The following USP53 variants were observed in gnomAD, a reference collection of about 807,000 sequenced individuals.
USP53 encodes ubiquitin carboxyl-terminal hydrolase 53.
USP53 carries 71 observed loss-of-function variants against 94.9 expected under a neutral mutation model. The ratio of observed to expected loss-of-function variants is 0.75; its 90% confidence interval spans 0.62 to 0.91. The LOEUF is 0.91. Ranked by LOEUF, USP53 falls within the 40% of genes least tolerant of loss-of-function variation. USP53 has a pLI of 0.00. For missense variants in USP53, 1,173 were observed against 1,281.0 expected, an observed-to-expected ratio of 0.92 and a Z score of 1.29; for synonymous variants, 375 against 422.7, an observed-to-expected ratio of 0.89 and a Z score of 1.39.
At position 119,292,601 on chromosome 4, in the gene USP53, G is replaced by A. The variant is rs764082021; in HGVS notation, c.2612G>A (p.Gly871Glu). The change falls in exon 19 of 19, where the codon GGG becomes GAG. Residue 871 changes from glycine to glutamate, a missense_variant. Physicochemically the swap from Gly to Glu is moderately conservative, Grantham distance 98. Transcript: ENST00000692078. ...TGGTCTTCACACCTAAGAACTGTTG[G>A]GTTAAAGCCAGAAACTGCTCCTCTC... The part of the protein sequence containing the change: ...SLWSSHLRTV[G>E]LKPETAPLIQ... The A allele has an allele frequency of 5.6e-6, 9 of 1,613,972 alleles. No individual in the cohort carries two copies. The Admixed American group carries it at 1.2e-4, about 21-fold the overall frequency.
At chr4:119,218,053 A>G (rs2149257910) in intron 3 of USP53, 1 of 152,304 alleles carries the variant, frequency 6.6e-6, no homozygotes, top group East Asian at 1.9e-4. Context: ...ACAAGCTGCT[A>G]TTTTTTTAAT....
intron 3 of USP53, among the ~76,000 whole-genome samples, chr4:119,232,899 T>C (rs916562833): frequency 5.3e-5 from 8 of 152,274 alleles, no homozygotes; most frequent in Non-Finnish European, 1.0e-4. Context: ...TTAACTGTTA[T>C]TTGAAGTTTA....
At chr4:119,256,604 A>G in intron 9 of USP53, 81 bp downstream of exon 9, 3 of 1,397,182 alleles carry the variant, frequency 2.1e-6, no homozygotes, top group Non-Finnish European at 3.0e-6. Context: ...ATAAAATCAT[A>G]GCATACATGA....
intron 17 of USP53, among the ~76,000 whole-genome samples, chr4:119,290,078 T>A (rs751717797): frequency 1.3e-5 from 2 of 152,184 alleles, no homozygotes; most frequent in Non-Finnish European, 2.9e-5. Context: ...CTCTGAACAT[T>A]AATATTGTTA....
chr4:119,285,997 C>G (rs890154244), intron 17 of USP53, among the ~76,000 whole-genome samples: 11 of 151,850 alleles, frequency 7.2e-5, no homozygotes, highest in Non-Finnish European at 1.6e-4. Context: ...TTGACTCCTG[C>G]TTTATTATTT....
At chr4:119,281,039 G>A (rs1197363972) in intron 17 of USP53, among the ~76,000 whole-genome samples, 1 of 152,154 alleles carries the variant, frequency 6.6e-6, no homozygotes, top group Non-Finnish European at 1.5e-5. Context: ...TAGTAGTTAA[G>A]AACACATAGA....
intron 17 of USP53, among the ~76,000 whole-genome samples, chr4:119,279,895 C>A (rs185915950): frequency 6.6e-6 from 1 of 152,196 alleles, no homozygotes; most frequent in African/African-American, 2.4e-5. Flanking sequence ...TTCTTTGACT[C>A]GGAAAGGGGA....
At chr4:119,265,629 C>T (rs964078296) in intron 12 of USP53, among the ~76,000 whole-genome samples, 6 of 151,944 alleles carry the variant, frequency 3.9e-5, no homozygotes, top group Non-Finnish European at 4.4e-5. Context: ...CGAGACCGTG[C>T]CACTGAACTC....
intron 17 of USP53, among the ~76,000 whole-genome samples, chr4:119,288,332 C>T (rs1754345047): frequency 6.6e-6 from 1 of 152,180 alleles, no homozygotes; most frequent in Non-Finnish European, 1.5e-5. Context: ...TGCTTGGCTT[C>T]ATGTAAGATG....
chr4:119,254,412 T>A (rs1350276928), intron 7 of USP53, among the ~76,000 whole-genome samples: 1 of 152,182 alleles, frequency 6.6e-6, no homozygotes, highest in African/African-American at 2.4e-5. Context: ...GGAGGCTTCG[T>A]TAGTTTCTTT....
Position 119,256,511 on chromosome 4 carries a change from C to T in USP53, c.557C>T (p.Thr186Ile), listed in dbSNP as rs1195434454. The T allele has an allele frequency of 6.2e-7, 1 of 1,614,072 alleles. No homozygotes were observed. The highest frequency in any genetic ancestry group is 1.1e-5 in the South Asian group (1 of 91,084). The change falls in exon 9 of 19, where the codon ACA becomes ATA. Residue 186 changes from threonine (T) to isoleucine (I), a missense_variant. By Grantham distance (89) the Thr-to-Ile change is moderately conservative (BLOSUM62 -1). Transcript: ENST00000692078. ...PFTEFVRYIS[T>I]TALCNEVERM... is the part of the protein sequence containing the mutation. ...ACAGAATTTGTGCGGTACATTTCTACAACAGCCTTATGGTAAGAACCTATT... is the reference window on the plus strand; with the variant it reads ...ACAGAATTTGTGCGGTACATTTCTATAACAGCCTTATGGTAAGAACCTATT...
chr4:119,262,900 G>A (rs1750682090), intron 12 of USP53, among the ~76,000 whole-genome samples: 1 of 152,174 alleles, frequency 6.6e-6, no homozygotes, highest in Non-Finnish European at 1.5e-5. Context: ...GTAAAGCCAG[G>A]TATCTGAAAT....
chr4:119,252,750 C>A (rs1299855808), intron 7 of USP53, among the ~76,000 whole-genome samples: 1 of 151,982 alleles, frequency 6.6e-6, no homozygotes, highest in East Asian at 1.9e-4. Context: ...TTGCTCTGAA[C>A]CTAGTTATTT....
At chr4:119,234,035 G>A (rs1010074187) in intron 3 of USP53, among the ~76,000 whole-genome samples, 1 of 152,132 alleles carries the variant, frequency 6.6e-6, no homozygotes, top group Non-Finnish European at 1.5e-5. Context: ...ATGCAGTGCC[G>A]GTGAGAACAG....
At chr4:119,229,057 G>C (rs1443169114) in intron 3 of USP53, among the ~76,000 whole-genome samples, 1 of 152,078 alleles carries the variant, frequency 6.6e-6, no homozygotes, top group African/African-American at 2.4e-5. Flanking sequence ...TTGCTACCCA[G>C]GTATTCAGCC....
chr4:119,289,304 A>G (rs566529618), intron 17 of USP53, among the ~76,000 whole-genome samples: 2 of 152,378 alleles, frequency 1.3e-5, no homozygotes, highest in African/African-American at 4.8e-5. Context: ...GAAGAATACA[A>G]TTAGTACAGT....
intron 16 of USP53, 114 bp downstream of exon 16, chr4:119,272,148 T>G: frequency 8.9e-7 from 1 of 1,126,774 alleles, no homozygotes; most frequent in South Asian, 2.1e-5. Flanking sequence ...GCATGAGCTG[T>G]TTTAAAGAGC....
chr4:119,251,477 C>T (rs2149358143), intron 7 of USP53, among the ~76,000 whole-genome samples: 1 of 152,264 alleles, frequency 6.6e-6, no homozygotes, highest in South Asian at 2.1e-4. Context: ...GAGGAATCTC[C>T]ACACTGTCTT....
chr4:119,272,395 T>C (rs1457972794), intron 16 of USP53: 2 of 162,460 alleles, frequency 1.2e-5, no homozygotes, highest in African/African-American at 4.8e-5. Flanking sequence ...TCTAAGTCAT[T>C]AAGGTGGTTG....
Sources: gnomAD v4.1 joint callset for allele counts (sites outside exome capture counted in the v4.1 genomes callset) on GRCh38, gnomAD v4.1.1 for gene constraint, MANE v1.5 for transcripts, NCBI Gene and HGNC (gene_info 2026-07-23, HGNC 2026-07-21) for gene names.